The following EFCAB13 variants were observed in gnomAD, a reference collection of about 807,000 sequenced individuals.
The protein encoded by EFCAB13 is EF-hand calcium binding domain 13.
A neutral mutation model predicts 110.2 loss-of-function variants in EFCAB13; 91 were observed. The observed-to-expected ratio is 0.83, with a 90% confidence interval of 0.70 to 0.98. The LOEUF (loss-of-function observed/expected upper bound fraction) is 0.98, where lower values mean the gene tolerates loss of function less well. Ranked by LOEUF, EFCAB13 falls within the 50% of genes least tolerant of loss-of-function variation. EFCAB13 has a pLI of 0.00. For missense variants in EFCAB13, 968 were observed against 1,119.4 expected, an observed-to-expected ratio of 0.86 and a Z score of 1.93; for synonymous variants, 323 against 369.9, an observed-to-expected ratio of 0.87 and a Z score of 1.45.
At position 47,409,616 on chromosome 17, in the gene EFCAB13, C is replaced by G. The variant is rs139628062; in HGVS notation, c.2234-31C>G. On this transcript the variant is annotated intron_variant, in intron 20 of 24. Coordinates refer to ENST00000331493, the MANE Select transcript of EFCAB13 (RefSeq NM_152347.5). ...AGGGTAAGATCAGGATGCCATTCCT[C>G]ATTGTGTAATGTCTCTCTCTAAATT... is the stretch of plus-strand genomic sequence containing the variant. 322 of 1,567,584 alleles carry G rather than the reference C, an allele frequency of 2.1e-4. 2 individuals are homozygous for G. In the African/African-American group the frequency reaches 4.0e-3, roughly 19 times the overall value.
intron 21 of EFCAB13, among the ~76,000 whole-genome samples, chr17:47,411,366 C>A (rs1355786109): frequency 6.6e-6 from 1 of 152,096 alleles, no homozygotes; most frequent in Non-Finnish European, 1.5e-5. Context: ...CTGACATTTC[C>A]CCCCCAAACT....
chr17:47,382,033 G>A lies in EFCAB13; in HGVS notation c.1582+2780G>A, dbSNP rs535075970. Among the ~76,000 whole-genome samples, 14 of 152,060 alleles carry A rather than the reference G, an allele frequency of 9.2e-5. No homozygotes were observed. In the South Asian group the frequency reaches 2.9e-3, roughly 32 times the overall value. ...TGTTTGTGTCCTCTCTTATTTTCTTGAGCAGTGGTTTGCAGTTCTCCTTGA... is the reference window on the plus strand; with the variant it reads ...TGTTTGTGTCCTCTCTTATTTTCTTAAGCAGTGGTTTGCAGTTCTCCTTGA... On this transcript the variant is annotated intron_variant, in intron 14 of 24. Transcript: ENST00000331493.
chr17:47,374,721 G>A lies in EFCAB13; in HGVS notation c.1127G>A (p.Ser376Asn). Reference sequence around the variant, plus strand: ...AAATTTCTGGGTGGGGTTGGCAGCAGTAATGTAGGAGTCCAAGAACCATAT... The same window carrying A: ...AAATTTCTGGGTGGGGTTGGCAGCAATAATGTAGGAGTCCAAGAACCATAT... ...IRKFLGGVGS[S>N]NVGVQEPYSK... The change falls in exon 12 of 25, where the codon AGT (serine) becomes AAT (asparagine). Residue 376 changes from serine to asparagine, a missense_variant. Ser to Asn is a conservative substitution (Grantham distance 46). Coordinates refer to ENST00000331493, the MANE Select transcript of EFCAB13 (RefSeq NM_152347.5). The A allele has an allele frequency of 6.2e-7, 1 of 1,614,008 alleles. No individual in the cohort carries two copies. Among genetic ancestry groups the A allele is most frequent in the Non-Finnish European group, 8.5e-7 (1 of 1,179,978 alleles).
chr17:47,340,022 A>G (rs757051297), intron 5 of EFCAB13: 4 of 152,190 alleles, frequency 2.6e-5, no homozygotes, highest in Non-Finnish European at 5.9e-5. Context: ...CTTTTCCTAT[A>G]AAAGATGAGA....
At chr17:47,401,640 CTTTTTT>C (rs763737651) in intron 17 of EFCAB13, among the ~76,000 whole-genome samples, 1 of 84,538 alleles carries the variant, frequency 1.2e-5, no homozygotes, top group Non-Finnish European at 2.3e-5. Flanking sequence ...CTCAGCCTGA[CTTTTTT>C]TTTTTTTTTT....
intron 23 of EFCAB13, among the ~76,000 whole-genome samples, chr17:47,423,195 T>G (rs77888146): frequency 2.6e-5 from 4 of 152,312 alleles, no homozygotes; most frequent in African/African-American, 7.2e-5. Flanking sequence ...TTAGATGACA[T>G]TATTACATTG....
chr17:47,375,577 T>A (rs1646393077), intron 12 of EFCAB13, among the ~76,000 whole-genome samples: 1 of 152,116 alleles, frequency 6.6e-6, no homozygotes. Flanking sequence ...ATTACAGGCA[T>A]GAGCCACCAC....
At chr17:47,374,426 C>A in intron 11 of EFCAB13, 46 bp from the exon 12 acceptor site, 3 of 1,363,694 alleles carry the variant, frequency 2.2e-6, no homozygotes, top group East Asian at 2.5e-5. Context: ...AAATGTATTG[C>A]AAATTATACA....
intron 9 of EFCAB13, among the ~76,000 whole-genome samples, chr17:47,354,072 T>C (rs2065467709): frequency 1.3e-5 from 2 of 152,214 alleles, no homozygotes; most frequent in African/African-American, 4.8e-5. Context: ...TTTGATAGGT[T>C]GTGTCACTAT....
chr17:47,387,575 A>G (rs1034223434), intron 14 of EFCAB13, among the ~76,000 whole-genome samples: 2 of 152,146 alleles, frequency 1.3e-5, no homozygotes, highest in Non-Finnish European at 1.5e-5. Context: ...CTTTGTCTCT[A>G]CAGTCTTTGA....
intron 23 of EFCAB13, among the ~76,000 whole-genome samples, chr17:47,415,673 C>T (rs1904418558): frequency 6.6e-6 from 1 of 152,154 alleles, no homozygotes; most frequent in South Asian, 2.1e-4. Flanking sequence ...GTTTTTGTGA[C>T]ATCTTAAGTC....
rs12601704 is a variant in EFCAB13 at position 47,366,707 on chromosome 17, A to C, written c.806-3730A>C. On this transcript the variant is annotated intron_variant, in intron 10 of 24. Coordinates refer to ENST00000331493, the MANE Select transcript of EFCAB13 (RefSeq NM_152347.5). Reference sequence around the variant, plus strand: ...AAGTTAGATAGGGACCAAGATAGTCATTTCAGATTCTCGAACGCGTCTTTG... The same window carrying C: ...AAGTTAGATAGGGACCAAGATAGTCCTTTCAGATTCTCGAACGCGTCTTTG... Among the ~76,000 whole-genome samples, 115 of 152,300 alleles carry C rather than the reference A, an allele frequency of 7.6e-4. 1 individual carries two copies. In the East Asian group the frequency reaches 0.017, roughly 22 times the overall value.
At chr17:47,331,238 G>A (rs2065318038) in intron 4 of EFCAB13, among the ~76,000 whole-genome samples, 1 of 151,990 alleles carries the variant, frequency 6.6e-6, no homozygotes, top group East Asian at 1.9e-4. Context: ...TTACTGTGTT[G>A]ATTATTATTT....
At chr17:47,362,447 G>C (rs2065519936) in intron 10 of EFCAB13, among the ~76,000 whole-genome samples, 1 of 152,152 alleles carries the variant, frequency 6.6e-6, no homozygotes, top group Non-Finnish European at 1.5e-5. Flanking sequence ...TCTAGCGGTA[G>C]CGTCAGTGTC....
Position 47,440,902 on chromosome 17 carries a change from G to T in EFCAB13, c.*188G>T. 2.2e-6 allele frequency: 1 copy of T among 459,408 alleles called. No individual in the cohort carries two copies. Among genetic ancestry groups the T allele is most frequent in the Non-Finnish European group, 3.8e-6 (1 of 266,126 alleles). The allele number at this position is 459,408 out of a possible 1,614,324, so 28.5% of individuals were successfully genotyped here. On this transcript the variant is annotated 3_prime_UTR_variant, in exon 25 of 25. Coordinates refer to ENST00000331493, the MANE Select transcript of EFCAB13 (RefSeq NM_152347.5). ...TTGATCACACTTTTTAAACATTCAT[G>T]CTTTTTGAGGTATAATGTACATATG...
Position 47,431,664 on chromosome 17 carries a change from G to C in EFCAB13, c.2638+1703G>C, listed in dbSNP as rs1905117905. Among the ~76,000 whole-genome samples the C allele has an allele frequency of 6.6e-6, 1 of 152,086 alleles. No individual in the cohort carries two copies. The highest frequency in any genetic ancestry group is 2.4e-5 in the African/African-American group (1 of 41,414). On this transcript the variant is annotated intron_variant, in intron 24 of 24. Coordinates refer to ENST00000331493, the MANE Select transcript of EFCAB13 (RefSeq NM_152347.5). This position sits in a 1 kb window ranked among gnomAD's most constrained non-coding sequence, Gnocchi z 4.1. The stretch of plus-strand genomic sequence containing the variant: ...CTCTGATTTTAGTCTTTTGAAGTTT[G>C]TTGAGGCTTGATTTATTGACTATGA...
At chr17:47,376,965 T>C (rs2065618805) in intron 12 of EFCAB13, among the ~76,000 whole-genome samples, 1 of 152,198 alleles carries the variant, frequency 6.6e-6, no homozygotes, top group Non-Finnish European at 1.5e-5. Context: ...GAAGTGATAT[T>C]GTACCCATCT....
intron 9 of EFCAB13, among the ~76,000 whole-genome samples, chr17:47,361,069 A>AC (rs1460548422): frequency 1.3e-5 from 2 of 151,950 alleles, no homozygotes; most frequent in Non-Finnish European, 2.9e-5. Context: ...TGTCTTGGGG[A>AC]CCCCCAGATT....
rs371359263 is a variant in EFCAB13, at chr17:47,414,946, A to G, written c.2494+27A>G. 38 of 1,434,100 alleles carry G rather than the reference A, an allele frequency of 2.6e-5. No individual in the cohort carries two copies. The African/African-American group carries it at 4.6e-4, about 17-fold the overall frequency. 88.8% of individuals were successfully genotyped at this position (1,434,100 alleles called of 1,614,324 possible). ...TAAGTGAATACTTCTTGTTCAAGAG[A>G]ATGGCTAGAAAATAAATATTTAAAA... On this transcript the variant is annotated intron_variant, in intron 23 of 24. Transcript: ENST00000331493.
Sources: gnomAD v4.1 joint callset for allele counts (sites outside exome capture counted in the v4.1 genomes callset) on GRCh38, gnomAD v4.1.1 for gene constraint, Gnocchi (gnomAD v3.1) non-coding constraint, MANE v1.5 for transcripts, NCBI Gene and HGNC (gene_info 2026-07-23, HGNC 2026-07-21) for gene names.